The following LRRIQ1 variants were observed in gnomAD, a reference collection of about 807,000 sequenced individuals.
The protein encoded by LRRIQ1 is leucine rich repeats and IQ motif containing 1, also known as leucine-rich repeat- and IQ domain-containing protein 1.
A neutral mutation model predicts 211.9 loss-of-function variants in LRRIQ1; 210 were observed. The observed-to-expected ratio is 0.99, with a 90% CI of 0.89 to 1.11. The LOEUF is 1.11. Ranked by LOEUF, LRRIQ1 falls within the 50% of genes most tolerant of loss-of-function variation. The pLI, the probability that LRRIQ1 is intolerant of heterozygous loss-of-function variation, is 0.00. For synonymous variants in LRRIQ1, 699 were observed against 650.1 expected (o/e 1.08, Z -1.14); for missense variants, 2,136 against 1,939.5 (o/e 1.10, Z -1.90).
rs143537344 is a variant in LRRIQ1 at position 85,056,673 on chromosome 12, A to T, written c.1880A>T (p.Asn627Ile). 2.8e-4 allele frequency: 456 copies of T among 1,603,508 alleles called. 5 individuals are homozygous for T. The African/African-American group carries it at 5.4e-3, about 19-fold the overall frequency. ...GAAAATTCCAAAGATGTAAGAGAAA[A>T]CGTAATATTACAAGAAAAAGAAATT... is the stretch of plus-strand genomic sequence containing the variant. ...TSENSKDVRE[N>I]VILQEKEIYS... The change falls in exon 8 of 27, where the codon AAC (asparagine) becomes ATC (isoleucine). Residue 627 changes from asparagine (N) to isoleucine (I), a missense_variant. Physicochemically the swap from Asn to Ile is moderately radical, Grantham distance 149 (BLOSUM62 -3). Transcript: ENST00000393217.
chr12:85,197,943 TTATATATAATTATATATTATATATAAA>T (rs1190823449), intron 24 of LRRIQ1, among the ~76,000 whole-genome samples: 11 of 106,408 alleles, frequency 1.0e-4, no homozygotes, highest in Non-Finnish European at 2.0e-4. Flanking sequence ...TTATATATAT[TTATATATAATTATATATTATATATAAA>T]TATATATAAT....
rs767687634 is a variant in LRRIQ1 at position 85,056,973 on chromosome 12, G to A, written c.2180G>A (p.Cys727Tyr). 1 of 1,610,944 alleles carries A rather than the reference G, an allele frequency of 6.2e-7. No individual in the cohort carries two copies. Among genetic ancestry groups the A allele is most frequent in the Non-Finnish European group, 8.5e-7 (1 of 1,178,782 alleles). ...GCACCTGAACCTGATAGCATGACCT[G>A]CTGTGTATCAGAGTCAACCCTTCTA... ...ENAPEPDSMT[C>Y]CVSESTLLYS... The change falls in exon 8 of 27, where the codon TGC becomes TAC. Residue 727 changes from cysteine to tyrosine, a missense_variant. Physicochemically the swap from Cys to Tyr is radical, Grantham distance 194. Transcript: ENST00000393217.
Position 85,137,742 on chromosome 12 carries a change from A to G in LRRIQ1, c.4210-108A>G, listed in dbSNP as rs1592863941. On this transcript the variant is annotated intron_variant, in intron 18 of 26. Transcript: ENST00000393217. ...AGTTCAGAAAACAGATTATTGTGTCATTAAACTTAGGTCTAAGATGTTTTA... is the reference window on the plus strand; with the variant it reads ...AGTTCAGAAAACAGATTATTGTGTCGTTAAACTTAGGTCTAAGATGTTTTA... 2.1e-5 allele frequency: 19 copies of G among 910,476 alleles called. No homozygotes were observed. In the East Asian group the frequency reaches 5.4e-4, roughly 26 times the overall value. 56.4% of individuals were successfully genotyped at this position (910,476 alleles called of 1,614,324 possible). A position where few individuals can be genotyped will look rare whatever the true frequency, so the allele number is the denominator to read the frequency against.
chr12:85,240,714 C>T (rs186124608), intron 26 of LRRIQ1, among the ~76,000 whole-genome samples: 293 of 152,114 alleles, frequency 1.9e-3, no homozygotes, highest in Non-Finnish European at 3.0e-3. Context: ...CAAATATTTC[C>T]ATCGATCTCA....
chr12:85,198,095 ATAT>A lies in LRRIQ1; in HGVS notation c.4823-31418_4823-31416del, dbSNP rs1284763756. 4.3e-5 allele frequency among the ~76,000 whole-genome samples: 5 copies of A among 116,584 alleles called. No individual in the cohort carries two copies. The East Asian group carries it at 6.4e-4, about 15-fold the overall frequency. 76.5% of individuals were successfully genotyped at this position (116,584 alleles called of 152,430 possible). On this transcript the variant is annotated intron_variant, in intron 24 of 26. Transcript: ENST00000393217. The stretch of plus-strand genomic sequence containing the variant: ...ATTTATATATAATTTATTATATTAT[ATAT>A]TATATTATTTATATATAATATATAA...
chr12:85,176,757 A>C (rs1891726549), intron 24 of LRRIQ1, among the ~76,000 whole-genome samples: 1 of 136,068 alleles, frequency 7.3e-6, no homozygotes, highest in African/African-American at 3.1e-5. Flanking sequence ...AATAAAAAAA[A>C]ATTTTAAAAA....
At chr12:85,065,557 A>G in intron 9 of LRRIQ1, 143 bp downstream of exon 9, 1 of 593,746 alleles carries the variant, frequency 1.7e-6, no homozygotes, top group Non-Finnish European at 2.5e-6. Flanking sequence ...GTGGTATGGT[A>G]AAGTTTTGAG....
chr12:85,098,419 A>G lies in LRRIQ1; in HGVS notation c.2952A>G (p.Thr984=), dbSNP rs749686165. 3 of 1,611,134 alleles carry G rather than the reference A, an allele frequency of 1.9e-6. No homozygotes were observed. Among genetic ancestry groups the G allele is most frequent in the Admixed American group, 1.7e-5 (1 of 59,766 alleles). The part of the protein sequence containing the change: ...LILDHNQLIN[T]KGLCDTPTIV... ...TGGACCACAATCAGTTAATTAATAC[A>G]AAAGGTCTTTGTGATACACCTACCA... Residue 984 remains threonine, a synonymous_variant, in exon 12 of 27, where the codon ACA becomes ACG. Transcript: ENST00000393217.
In LRRIQ1 at chr12:85,153,071, T is replaced by G; in HGVS notation, c.4467T>G (p.Ser1489Arg). The G allele has an allele frequency of 6.3e-7, 1 of 1,586,826 alleles. No homozygotes were observed. The highest frequency in any genetic ancestry group is 8.6e-7 in the Non-Finnish European group (1 of 1,161,756). Residue 1489 changes from serine (S) to arginine (R), a missense_variant, in exon 21 of 27, where the codon AGT becomes AGG. Physicochemically the swap from Ser to Arg is moderately radical, Grantham distance 110. Coordinates refer to ENST00000393217, the MANE Select transcript of LRRIQ1 (RefSeq NM_001079910.2). Reference protein sequence around the residue: ...KWDDTSFNLPSNPAQAWLCND... With the variant: ...KWDDTSFNLPRNPAQAWLCND... Reference sequence around the variant, plus strand: ...ATGATACTTCATTTAATTTACCAAGTAATCCAGCTCAAGCATGGTTATGTA... The same window carrying G: ...ATGATACTTCATTTAATTTACCAAGGAATCCAGCTCAAGCATGGTTATGTA...
At chr12:85,176,709 A>T (rs933277092) in intron 24 of LRRIQ1, among the ~76,000 whole-genome samples, 1 of 151,280 alleles carries the variant, frequency 6.6e-6, no homozygotes, top group African/African-American at 2.4e-5. Flanking sequence ...AACCTGCACA[A>T]TGTGCACATG....
chr12:85,203,148 G>A (rs1223165258), intron 24 of LRRIQ1, among the ~76,000 whole-genome samples: 2 of 152,124 alleles, frequency 1.3e-5, no homozygotes, highest in African/African-American at 2.4e-5. Context: ...CATAAGATCT[G>A]ATGGCTTTAT....
At chr12:85,094,191 T>C (rs1405279643) in intron 11 of LRRIQ1, among the ~76,000 whole-genome samples, 1 of 152,196 alleles carries the variant, frequency 6.6e-6, no homozygotes, top group Admixed American at 6.6e-5. Flanking sequence ...AAAATGAGAT[T>C]ACTTTGTAGA....
intron 4 of LRRIQ1, among the ~76,000 whole-genome samples, chr12:85,045,021 TG>T (rs1249757800): frequency 9.2e-5 from 14 of 151,906 alleles, no homozygotes; most frequent in Non-Finnish European, 1.8e-4. Flanking sequence ...TTAAAAGTGG[TG>T]GGTTGAGCCA....
chr12:85,269,492 C>G, the LRRIQ1 span, among the ~76,000 whole-genome samples: 1 of 152,030 alleles, frequency 6.6e-6, no homozygotes, highest in Non-Finnish European at 1.5e-5. Context: ...ACTTGATCTA[C>G]AGAGGTATTG....
rs749704314 is a variant in LRRIQ1 at position 85,140,181 on chromosome 12, C to T, written c.4329+2212C>T. On this transcript the variant is annotated intron_variant, in intron 19 of 26. Transcript: ENST00000393217. ...TTGTTTTTGAAAATATTGAGTAAAT[C>T]GAAGCCTGCTTTCCTCACTTCAGTT... Among the ~76,000 whole-genome samples, 43 of 151,270 alleles carry T rather than the reference C, an allele frequency of 2.8e-4. No individual in the cohort carries two copies. The East Asian group carries it at 4.7e-3, about 16-fold the overall frequency.
At chr12:85,227,293 A>G (rs541947749) in intron 24 of LRRIQ1, among the ~76,000 whole-genome samples, 19 of 151,858 alleles carry the variant, frequency 1.3e-4, no homozygotes, top group Non-Finnish European at 2.5e-4. Context: ...TTTTTTATAT[A>G]CTGTAAGTTT....
chr12:85,102,867 G>C (rs1488619125), intron 13 of LRRIQ1, among the ~76,000 whole-genome samples: 1 of 146,478 alleles, frequency 6.8e-6, no homozygotes, highest in Non-Finnish European at 1.5e-5. Context: ...AACAGAGATA[G>C]ACCTTGAGCC....
downstream of LRRIQ1, among the ~76,000 whole-genome samples, chr12:85,265,708 T>G (rs1896403755): frequency 6.6e-6 from 1 of 152,020 alleles, no homozygotes; most frequent in East Asian, 1.9e-4. Flanking sequence ...TTTCAGAGAT[T>G]TCATATAAAA....
intron 26 of LRRIQ1, among the ~76,000 whole-genome samples, chr12:85,236,849 ATATATATC>A (rs958435092): frequency 3.5e-5 from 5 of 143,588 alleles, no homozygotes; most frequent in African/African-American, 1.3e-4. Flanking sequence ...ATATATATAT[ATATATATC>A]TCCCAGATTA....
Sources: allele counts gnomAD v4.1 joint callset (sites outside exome capture counted in the v4.1 genomes callset), GRCh38; gene constraint gnomAD v4.1.1; transcripts MANE v1.5; gene names NCBI Gene and HGNC (gene_info 2026-07-23, HGNC 2026-07-21).